The following NCOA3 variants were observed in gnomAD, a reference collection of about 807,000 sequenced individuals.
NCOA3 encodes CBP-interacting protein.
NCOA3 carries 51 observed loss-of-function variants against 158.8 expected under a neutral mutation model. The ratio of observed to expected loss-of-function variants is 0.32; its 90% CI spans 0.26 to 0.41. NCOA3 has a LOEUF of 0.41. Among genes scored for constraint, NCOA3 ranks in the 10% least tolerant of loss-of-function variants. The pLI is 1.00. For missense variants in NCOA3, 1,510 were observed against 1,746.6 expected, an observed-to-expected ratio of 0.86 and a Z score of 2.41; for synonymous variants, 537 against 592.4, an observed-to-expected ratio of 0.91 and a Z score of 1.36.
chr20:47,517,509 G>C (rs192117258), intron 1 of NCOA3, among the ~76,000 whole-genome samples: 81 of 143,888 alleles, frequency 5.6e-4, no homozygotes, highest in Non-Finnish European at 1.0e-3. Context: ...GGAGTGCAGT[G>C]GTACGATCTT....
chr20:47,641,068 G>A (rs1032593842), intron 16 of NCOA3, among the ~76,000 whole-genome samples: 40 of 152,166 alleles, frequency 2.6e-4, no homozygotes, highest in African/African-American at 9.4e-4. Context: ...ATTTATTTGA[G>A]TGCTTCTCTA....
At position 47,636,171 on chromosome 20, in the gene NCOA3, CAAAG is replaced by C. The variant is rs2086512033; in HGVS notation, c.1790_1793del (p.Glu597ValfsTer40). 1 of 1,614,110 alleles carries C rather than the reference CAAAG, an allele frequency of 6.2e-7. No homozygotes were observed. Among genetic ancestry groups the C allele is most frequent in the Non-Finnish European group, 8.5e-7 (1 of 1,180,022 alleles). ...CAAATAGCAGAGATCACCTCAGTGA[CAAAG>C]AAAGTAAGGAGAGCAGTGTTGAGGG... On this transcript the variant is annotated frameshift_variant, in exon 12 of 23. Transcript: ENST00000371998. LOFTEE classifies it high-confidence loss of function.
intron 1 of NCOA3, among the ~76,000 whole-genome samples, chr20:47,523,734 C>A (rs2084381956): frequency 6.6e-6 from 1 of 152,210 alleles, no homozygotes; most frequent in South Asian, 2.1e-4. Context: ...AATAAAAAGT[C>A]CTAGCGGACT....
chr20:47,633,718 A>T, intron 9 of NCOA3, 82 bp downstream of exon 9: 2 of 1,453,594 alleles, frequency 1.4e-6, no homozygotes, highest in Non-Finnish European at 1.9e-6. Context: ...GCTGGACTCG[A>T]ACTCCTGGAT....
chr20:47,550,134 A>AT (rs3092339), intron 1 of NCOA3, among the ~76,000 whole-genome samples: 52,686 of 144,416 alleles, frequency 0.36, 9,442 homozygotes, highest in Middle Eastern at 0.42. Flanking sequence ...TTGTATTTCA[A>AT]TTTTTTTTTT....
chr20:47,652,314 CT>C, intron 20 of NCOA3, 91 bp from the exon 21 acceptor site: 6 of 1,195,362 alleles, frequency 5.0e-6, no homozygotes, highest in Non-Finnish European at 7.1e-6. Context: ...CCCCCACCTC[CT>C]TTAAAAAAAA....
At chr20:47,557,333 A>T (rs1266552930) in intron 1 of NCOA3, among the ~76,000 whole-genome samples, 9 of 152,166 alleles carry the variant, frequency 5.9e-5, no homozygotes, top group Non-Finnish European at 1.2e-4. Flanking sequence ...ATGTGTTAGG[A>T]ATTGTGTCAG....
intron 1 of NCOA3, among the ~76,000 whole-genome samples, chr20:47,519,443 A>G (rs923107523): frequency 6.7e-6 from 1 of 150,212 alleles, no homozygotes; most frequent in Non-Finnish European, 1.5e-5. Context: ...AAAAAAAAAA[A>G]TGATATTTTT....
chr20:47,593,321 C>G (rs558988298), intron 2 of NCOA3, among the ~76,000 whole-genome samples: 30 of 135,964 alleles, frequency 2.2e-4, no homozygotes, highest in African/African-American at 8.3e-4. Context: ...AGTACCTCCT[C>G]TTGAGTTGAT....
chr20:47,636,521 G>A lies in NCOA3; in HGVS notation c.2135G>A (p.Ser712Asn), dbSNP rs1335557065. The A allele has an allele frequency of 3.7e-6, 6 of 1,614,094 alleles. No homozygotes were observed. In the African/African-American group the frequency reaches 4.0e-5, roughly 11 times the overall value. Residue 712 changes from serine (S) to asparagine (N), a missense_variant, in exon 12 of 23, where the codon AGT becomes AAT. By Grantham distance (46) the Ser-to-Asn change is conservative. Coordinates refer to ENST00000371998, the MANE Select transcript of NCOA3 (RefSeq NM_181659.3). ...GAAGCCACTGGGAAAGACACCAGCA[G>A]TATAACTTCTTGTGGGGACGGAAAT... ...TAEATGKDTS[S>N]ITSCGDGNVV...
chr20:47,609,728 CA>C (rs750713739), intron 2 of NCOA3, among the ~76,000 whole-genome samples: 1,751 of 80,770 alleles, frequency 0.022, 29 homozygotes, highest in African/African-American at 0.066. Flanking sequence ...GACTCCGTCT[CA>C]AAAAAAAAAA....
intron 2 of NCOA3, among the ~76,000 whole-genome samples, chr20:47,586,406 C>A (rs2085536856): frequency 6.7e-6 from 1 of 150,206 alleles, no homozygotes; most frequent in Non-Finnish European, 1.5e-5. Flanking sequence ...TTTTTTTTAA[C>A]CATTTGAGGG....
Position 47,561,316 on chromosome 20 carries a change from A to C in NCOA3, c.-98-21867A>C, listed in dbSNP as rs561539372. ...CAAGTTGACTTTTTTTTTTTTTTTT[A>C]AAGCTACACGGTCTCGATCTGTTGC... On this transcript the variant is annotated intron_variant, in intron 1 of 22. Coordinates refer to ENST00000371998, the MANE Select transcript of NCOA3 (RefSeq NM_181659.3). Among the ~76,000 whole-genome samples the C allele has an allele frequency of 4.2e-5, 4 of 95,990 alleles. No homozygotes were observed. In the South Asian group the frequency reaches 9.3e-4, roughly 22 times the overall value. The allele number at this position is 95,990 out of a possible 152,430, so 63.0% of individuals were successfully genotyped here. A position where few individuals can be genotyped will look rare whatever the true frequency, so the allele number is the denominator to read the frequency against.
intron 2 of NCOA3, among the ~76,000 whole-genome samples, chr20:47,599,500 A>G (rs1714642589): frequency 6.6e-6 from 1 of 152,238 alleles, no homozygotes; most frequent in African/African-American, 2.4e-5. Context: ...GAAATATACT[A>G]AAAGCCAGTC....
chr20:47,607,644 A>G (rs1396238089), intron 2 of NCOA3, among the ~76,000 whole-genome samples: 3 of 152,166 alleles, frequency 2.0e-5, no homozygotes, highest in African/African-American at 7.2e-5. Context: ...GTCTTTTGTT[A>G]AGGGGTCTGA....
chr20:47,608,978 A>G lies in NCOA3; in HGVS notation c.-19-13251A>G, dbSNP rs577441005. On this transcript the variant is annotated intron_variant, in intron 2 of 22. Transcript: ENST00000371998. Reference sequence around the variant, plus strand: ...GGCATTTAGTTGTTAACCTGAATCTACTTCTTTTATTAGTAAGAAACATAT... The same window carrying G: ...GGCATTTAGTTGTTAACCTGAATCTGCTTCTTTTATTAGTAAGAAACATAT... Among the ~76,000 whole-genome samples the G allele has an allele frequency of 2.6e-5, 4 of 152,266 alleles. No individual in the cohort carries two copies. In the South Asian group the frequency reaches 8.3e-4, roughly 32 times the overall value.
At chr20:47,632,769 G>T (rs1163872522) in intron 8 of NCOA3, among the ~76,000 whole-genome samples, 1 of 150,784 alleles carries the variant, frequency 6.6e-6, no homozygotes, top group East Asian at 2.0e-4. Context: ...TGCAACCTCC[G>T]CCTGCCAGGT....
intron 2 of NCOA3, among the ~76,000 whole-genome samples, chr20:47,593,275 C>T (rs906034435): frequency 2.7e-5 from 4 of 146,644 alleles, no homozygotes; most frequent in East Asian, 2.1e-4. Context: ...TCCCAGACTG[C>T]GGTATCATTC....
chr20:47,649,161 T>C, intron 19 of NCOA3, 52 bp downstream of exon 19: 2 of 1,183,034 alleles, frequency 1.7e-6, no homozygotes, highest in Non-Finnish European at 1.2e-6. Context: ...AGGACAGGGC[T>C]TGGCCTGTGG....
Sources: gnomAD v4.1 joint callset for allele counts (sites outside exome capture counted in the v4.1 genomes callset) on GRCh38, gnomAD v4.1.1 for gene constraint, MANE v1.5 for transcripts, NCBI Gene and HGNC (gene_info 2026-07-23, HGNC 2026-07-21) for gene names.